Variants in IMPA1 observed in about 807,000 individuals in gnomAD.
IMPA1 encodes inositol monophosphatase 1, also known as D-galactose 1-phosphate phosphatase.
In IMPA1, 21 loss-of-function variants were observed where a neutral mutation model predicts 34.9. That is an observed-to-expected ratio of 0.60 (90% confidence interval 0.43 to 0.87). The LOEUF is 0.87. Among genes scored for constraint, IMPA1 ranks in the 40% least tolerant of loss-of-function variants. The pLI, the probability that IMPA1 is intolerant of heterozygous loss-of-function variation, is 0.00. For missense variants in IMPA1, 299 were observed against 336.4 expected (o/e 0.89, Z 0.87); for synonymous variants, 95 against 104.4 (o/e 0.91, Z 0.55).
chr8:81,656,942 G>A lies in IMPA1; in HGVS notation c.*2409C>T, dbSNP rs1383026358. ...AAAGGCAAGTACATATATTTTATGT[G>A]TTCAAGTACATATATTTATGTATAT... is the stretch of plus-strand genomic sequence containing the variant. On this transcript the variant is annotated 3_prime_UTR_variant, in exon 9 of 9. Transcript: ENST00000256108. Among the ~76,000 whole-genome samples, 1 of 152,148 alleles carries A rather than the reference G, an allele frequency of 6.6e-6. No individual in the cohort carries two copies. The highest frequency in any genetic ancestry group is 2.4e-5 in the African/African-American group (1 of 41,438).
At chr8:81,671,290 TA>T (rs1298830604) in intron 6 of IMPA1, among the ~76,000 whole-genome samples, 6 of 152,152 alleles carry the variant, frequency 3.9e-5, no homozygotes, top group Non-Finnish European at 8.8e-5. Flanking sequence ...GCATACATAA[TA>T]CTTAGTGGGA....
At chr8:81,674,968 TA>T (rs1301253156) in intron 5 of IMPA1, 2 of 392,454 alleles carry the variant, frequency 5.1e-6, no homozygotes, top group Non-Finnish European at 1.0e-5. Flanking sequence ...TCACTGCCTC[TA>T]CTTAGTTCAC....
rs1806592359 is a variant in IMPA1, at chr8:81,659,092, A to T, written c.*259T>A. ...AATTGCTAATTGACTATTTCAGTTG[A>T]TGTTATATTTATCAACTGTACTTCC... On this transcript the variant is annotated 3_prime_UTR_variant, in exon 9 of 9. Transcript: ENST00000256108. 3 of 446,964 alleles carry T rather than the reference A, an allele frequency of 6.7e-6. No homozygotes were observed. Among genetic ancestry groups the T allele is most frequent in the Admixed American group, 4.2e-5 (1 of 23,842 alleles). 27.7% of individuals were successfully genotyped at this position (446,964 alleles called of 1,614,324 possible). A position where few individuals can be genotyped will look rare whatever the true frequency, so the allele number is the denominator to read the frequency against.
intron 7 of IMPA1, among the ~76,000 whole-genome samples, chr8:81,669,958 C>T (rs1806941322): frequency 6.6e-6 from 1 of 152,176 alleles, no homozygotes; most frequent in African/African-American, 2.4e-5. Context: ...GAGACCTGAG[C>T]TAGCATGCTC....
intron 2 of IMPA1, among the ~76,000 whole-genome samples, chr8:81,681,163 A>G (rs1047998798): frequency 6.6e-6 from 1 of 152,184 alleles, no homozygotes; most frequent in African/African-American, 2.4e-5. Flanking sequence ...TGGGAGGCCA[A>G]GGTGGTCCAG....
Position 81,657,656 on chromosome 8 carries a change from G to A in IMPA1, c.*1695C>T, listed in dbSNP as rs1178941507. On this transcript the variant is annotated 3_prime_UTR_variant, in exon 9 of 9. Transcript: ENST00000256108. ...TTTAATAATGTAAATATCATGGCCTGGCTCGGTGGCTCACATCTGTAATCC... is the reference window on the plus strand; with the variant it reads ...TTTAATAATGTAAATATCATGGCCTAGCTCGGTGGCTCACATCTGTAATCC... Among the ~76,000 whole-genome samples the A allele has an allele frequency of 6.6e-6, 1 of 152,140 alleles. No homozygotes were observed. The highest frequency in any genetic ancestry group is 1.5e-5 in the Non-Finnish European group (1 of 68,028).
At chr8:81,680,871 G>A in intron 2 of IMPA1, 88 bp from the exon 3 acceptor site, 2 of 940,184 alleles carry the variant, frequency 2.1e-6, no homozygotes, top group Non-Finnish European at 3.2e-6. Flanking sequence ...CATTCAATCT[G>A]TCTTAAATAA....
At chr8:81,664,577 G>C (rs1806768037) in intron 7 of IMPA1, among the ~76,000 whole-genome samples, 1 of 152,152 alleles carries the variant, frequency 6.6e-6, no homozygotes, top group South Asian at 2.1e-4. Flanking sequence ...GTAATTCATA[G>C]TCTTGGCTAG....
At chr8:81,661,947 T>A (rs189494136) in intron 7 of IMPA1, among the ~76,000 whole-genome samples, 26 of 152,316 alleles carry the variant, frequency 1.7e-4, no homozygotes, top group Admixed American at 1.5e-3. Flanking sequence ...ACAGTTTATT[T>A]ATTTAAAAAC....
intron 4 of IMPA1, among the ~76,000 whole-genome samples, chr8:81,677,149 G>A (rs1451409715): frequency 2.0e-5 from 3 of 151,246 alleles, no homozygotes; most frequent in Non-Finnish European, 4.4e-5. Flanking sequence ...AGGCTGGAGT[G>A]CAATGGCACG....
At chr8:81,685,783 A>G (rs1029856576) in intron 1 of IMPA1, 13 of 1,538,096 alleles carry the variant, frequency 8.5e-6, no homozygotes, top group Admixed American at 2.0e-5. Context: ...CCAAAGCCAT[A>G]AACACCTGAA....
At chr8:81,681,647 C>T (rs1807303664) in intron 1 of IMPA1, 63 bp from the exon 2 acceptor site, 9 of 927,510 alleles carry the variant, frequency 9.7e-6, no homozygotes, top group South Asian at 2.8e-5. Context: ...TTCACAAAAA[C>T]GTCTTAATTA....
intron 4 of IMPA1, among the ~76,000 whole-genome samples, chr8:81,678,889 G>A (rs556787970): frequency 6.6e-6 from 1 of 152,204 alleles, no homozygotes; most frequent in East Asian, 1.9e-4. Flanking sequence ...AATGGTGAAC[G>A]GGGCACTTGG....
At chr8:81,668,362 A>G (rs909015466) in intron 7 of IMPA1, among the ~76,000 whole-genome samples, 3 of 152,192 alleles carry the variant, frequency 2.0e-5, no homozygotes, top group Non-Finnish European at 4.4e-5. Flanking sequence ...ACTTGGGCAG[A>G]TCGCTTGAGC....
intron 1 of IMPA1, among the ~76,000 whole-genome samples, chr8:81,681,820 C>T (rs1201983639): frequency 6.6e-6 from 1 of 151,976 alleles, no homozygotes; most frequent in Non-Finnish European, 1.5e-5. Flanking sequence ...TGTGTCTGTA[C>T]CATATTACAT....
Position 81,673,943 on chromosome 8 carries a change from A to G in IMPA1, c.355T>C (p.Phe119Leu). ...IGFAVNKKIE[F>L]GVVYSCVEGK... ...TCCACACAACTGTACACAACTCCAA[A>G]TTCTATCTGCAGAGGAAAACAAGTT... Residue 119 changes from phenylalanine to leucine, a missense_variant, in exon 6 of 9, where the codon TTT (phenylalanine) becomes CTT (leucine). Physicochemically the swap from Phe to Leu is conservative, Grantham distance 22. Coordinates refer to ENST00000256108, the MANE Select transcript of IMPA1 (RefSeq NM_005536.4). 3.7e-6 allele frequency: 6 copies of G among 1,601,106 alleles called. No individual in the cohort carries two copies. The highest frequency in any genetic ancestry group is 5.1e-6 in the Non-Finnish European group (6 of 1,169,262).
intron 1 of IMPA1, among the ~76,000 whole-genome samples, chr8:81,683,323 G>A (rs2130329577): frequency 6.6e-6 from 1 of 152,330 alleles, no homozygotes; most frequent in East Asian, 1.9e-4. Context: ...GAAAGTGGGT[G>A]TTGGTAGAGG....
At chr8:81,676,119 G>T in intron 5 of IMPA1, 115 bp downstream of exon 5, 1 of 425,916 alleles carries the variant, frequency 2.3e-6, no homozygotes, top group Non-Finnish European at 4.3e-6. Flanking sequence ...TCAAAATAAT[G>T]CAGTTATATA....
At chr8:81,685,135 CTATA>C (rs1314239923) in intron 1 of IMPA1, among the ~76,000 whole-genome samples, 5 of 128,626 alleles carry the variant, frequency 3.9e-5, no homozygotes, top group East Asian at 2.2e-4. Context: ...TATTTAGATA[CTATA>C]TATAGTATAT....
Sources: gnomAD v4.1 joint callset for allele counts (sites outside exome capture counted in the v4.1 genomes callset) on GRCh38, gnomAD v4.1.1 for gene constraint, MANE v1.5 for transcripts, NCBI Gene and HGNC (gene_info 2026-07-23, HGNC 2026-07-21) for gene names.